Variants in FHIT observed in about 807,000 individuals in gnomAD.
FHIT encodes fragile histidine triad diadenosine triphosphatase.
A neutral mutation model predicts 17.9 loss-of-function variants in FHIT; 19 were observed. The ratio of observed to expected loss-of-function variants is 1.06; its 90% CI spans 0.74 to 1.56. The LOEUF (loss-of-function observed/expected upper bound fraction) is 1.56. Ranked by LOEUF, FHIT falls within the 40% of genes most tolerant of loss-of-function variation. The pLI, the probability that FHIT is intolerant of heterozygous loss-of-function variation, is 0.00. For synonymous variants in FHIT, 81 were observed against 69.7 expected, an observed-to-expected ratio of 1.16 and a Z score of -0.81; for missense variants, 248 against 189.2, an observed-to-expected ratio of 1.31 and a Z score of -1.82.
At chr3:60,194,939 G>A (rs1702557184) in intron 5 of FHIT, among the ~76,000 whole-genome samples, 1 of 152,130 alleles carries the variant, frequency 6.6e-6, no homozygotes. Flanking sequence ...GCCGAGGAGG[G>A]TGGATCACCT....
In FHIT at chr3:61,087,775, T is replaced by G. The variant is rs556893500; in HGVS notation, c.-163-45676A>C. Among the ~76,000 whole-genome samples the G allele has an allele frequency of 5.4e-4, 82 of 152,286 alleles. 1 individual carries two copies. The highest frequency in any genetic ancestry group is 1.9e-3 in the African/African-American group (79 of 41,574). On this transcript the variant is annotated intron_variant, in intron 2 of 9. Transcript: ENST00000492590. ...ATACAGCCTTTATCACTTGCATTGG[T>G]AGATTTGGTAGAGACTTCATTTCTT...
At chr3:60,187,089 T>C (rs1287023977) in intron 5 of FHIT, among the ~76,000 whole-genome samples, 1 of 152,178 alleles carries the variant, frequency 6.6e-6, no homozygotes, top group African/African-American at 2.4e-5. Context: ...CAACCTTTCT[T>C]TCAGAGGGTC....
At chr3:60,212,615 C>G (rs147241355) in intron 5 of FHIT, among the ~76,000 whole-genome samples, 1 of 151,944 alleles carries the variant, frequency 6.6e-6, no homozygotes, top group Non-Finnish European at 1.5e-5. Flanking sequence ...TGTTTAAGCA[C>G]TAAAATAACA....
At position 60,887,476 on chromosome 3, in the gene FHIT, C is replaced by A. The variant is rs527674043; in HGVS notation, c.-110-65465G>T. Among the ~76,000 whole-genome samples the A allele has an allele frequency of 1.2e-4, 19 of 152,108 alleles. No individual in the cohort carries two copies. In the South Asian group the frequency reaches 2.7e-3, roughly 22 times the overall value. On this transcript the variant is annotated intron_variant, in intron 3 of 9. Transcript: ENST00000492590. ...CCTGGCCAAGATGGTGAAACCCCAT[C>A]TCTACTAAAAAATACAAAAATTAGC... is the stretch of plus-strand genomic sequence containing the variant.
chr3:61,034,065 T>C (rs1327618251), intron 3 of FHIT, among the ~76,000 whole-genome samples: 1 of 152,154 alleles, frequency 6.6e-6, no homozygotes, highest in East Asian at 1.9e-4. Flanking sequence ...TAACCACACA[T>C]GCCAAGAATA....
At chr3:60,963,938 C>T (rs1185037733) in intron 3 of FHIT, among the ~76,000 whole-genome samples, 1 of 152,170 alleles carries the variant, frequency 6.6e-6, no homozygotes, top group African/African-American at 2.4e-5. Flanking sequence ...CTGTAGATGT[C>T]TATTAGGTCC....
At chr3:60,402,222 G>C (rs1189599544) in intron 5 of FHIT, among the ~76,000 whole-genome samples, 1 of 152,164 alleles carries the variant, frequency 6.6e-6, no homozygotes, top group Non-Finnish European at 1.5e-5. Flanking sequence ...ATCTGGGCTT[G>C]TCACTCACAG....
At chr3:60,816,282 T>C (rs1324364628) in intron 4 of FHIT, among the ~76,000 whole-genome samples, 2 of 152,128 alleles carry the variant, frequency 1.3e-5, no homozygotes, top group African/African-American at 4.8e-5. Flanking sequence ...CTATGTTGAA[T>C]AGGAGTAGTA....
chr3:60,585,770 A>G (rs996640807), intron 4 of FHIT, among the ~76,000 whole-genome samples: 6 of 151,976 alleles, frequency 3.9e-5, no homozygotes, highest in African/African-American at 1.4e-4. Flanking sequence ...GGACCCTTTC[A>G]TTGTCAATGA....
intron 4 of FHIT, among the ~76,000 whole-genome samples, chr3:60,611,661 C>T (rs1172014183): frequency 1.3e-5 from 2 of 152,136 alleles, no homozygotes; most frequent in Admixed American, 6.5e-5. Flanking sequence ...CTTTCTAACG[C>T]TCGGCTCTAT....
chr3:60,917,669 G>A (rs1384554090), intron 3 of FHIT, among the ~76,000 whole-genome samples: 1 of 152,116 alleles, frequency 6.6e-6, no homozygotes, highest in South Asian at 2.1e-4. Context: ...CTTTATTCAG[G>A]TATGTCCTCA....
intron 5 of FHIT, among the ~76,000 whole-genome samples, chr3:60,231,288 C>G (rs1031680439): frequency 4.6e-5 from 7 of 152,198 alleles, no homozygotes; most frequent in Admixed American, 4.6e-4. Context: ...AAGTTGGTAT[C>G]TATCATCCAG....
intron 4 of FHIT, among the ~76,000 whole-genome samples, chr3:60,685,741 A>T (rs1483923688): frequency 6.6e-6 from 1 of 152,158 alleles, no homozygotes; most frequent in Non-Finnish European, 1.5e-5. Flanking sequence ...AACCTCACAC[A>T]TGTATGAATC....
intron 7 of FHIT, among the ~76,000 whole-genome samples, chr3:59,959,402 G>A (rs1197233610): frequency 6.6e-6 from 1 of 152,178 alleles, no homozygotes; most frequent in Non-Finnish European, 1.5e-5. Flanking sequence ...TGAGGTTCAG[G>A]GAGGTTAAAT....
intron 4 of FHIT, among the ~76,000 whole-genome samples, chr3:60,556,838 C>T (rs1324728897): frequency 1.3e-5 from 2 of 152,232 alleles, no homozygotes; most frequent in African/African-American, 2.4e-5. Context: ...GTGTTGAACA[C>T]TGTCTAGGAA....
At chr3:60,543,907 C>CTTTTTTTTTTCTTTTTTTTT (rs2036270820) in intron 4 of FHIT, among the ~76,000 whole-genome samples, 1 of 52,076 alleles carries the variant, frequency 1.9e-5, no homozygotes, top group Non-Finnish European at 3.0e-5. Flanking sequence ...CCACGCCCGG[C>CTTTTTTTTTTCTTTTTTTTT]TTTTTTTTTT....
chr3:60,563,050 G>A (rs1310086981), intron 4 of FHIT, among the ~76,000 whole-genome samples: 1 of 152,126 alleles, frequency 6.6e-6, no homozygotes, highest in Non-Finnish European at 1.5e-5. Flanking sequence ...AAGTTTTTAG[G>A]CAAGGGAGAA....
chr3:60,348,068 A>G (rs1710886860), intron 5 of FHIT, among the ~76,000 whole-genome samples: 1 of 152,058 alleles, frequency 6.6e-6, no homozygotes, highest in African/African-American at 2.4e-5. Flanking sequence ...CTACCCTTTC[A>G]TTTTAAAAAG....
intron 3 of FHIT, among the ~76,000 whole-genome samples, chr3:60,960,583 C>T (rs188295582): frequency 6.6e-6 from 1 of 152,148 alleles, no homozygotes. Context: ...TCCCCCCACC[C>T]CACAACAGGC....
Sources: gnomAD v4.1 joint callset for allele counts (sites outside exome capture counted in the v4.1 genomes callset) on GRCh38, gnomAD v4.1.1 for gene constraint, MANE v1.5 for transcripts, NCBI Gene and HGNC (gene_info 2026-07-23, HGNC 2026-07-21) for gene names.